AGMO: variants seen among roughly 807,000 people sequenced by gnomAD.
AGMO encodes the protein alkylglycerol monooxygenase.
In AGMO, 75 loss-of-function variants were observed where a neutral mutation model predicts 60.2. The ratio of observed to expected loss-of-function variants is 1.25; its 90% confidence interval spans 1.03 to 1.51. AGMO has a LOEUF of 1.51. Among genes scored for constraint, AGMO ranks in the 40% most tolerant of loss-of-function variants. The pLI is 0.00. For missense variants in AGMO, 763 were observed against 525.5 expected, an observed-to-expected ratio of 1.45 and a Z score of -4.42; for synonymous variants, 261 against 177.1, an observed-to-expected ratio of 1.47 and a Z score of -3.76.
chr7:15,405,891 A>C (rs1353234654), intron 5 of AGMO, among the ~76,000 whole-genome samples: 1 of 151,890 alleles, frequency 6.6e-6, no homozygotes, highest in Non-Finnish European at 1.5e-5. Flanking sequence ...TTTGATTTCA[A>C]AATGTATAAT....
chr7:15,139,281 T>C, the AGMO span, among the ~76,000 whole-genome samples: 58,700 of 152,028 alleles, frequency 0.39, 12,057 homozygotes, highest in East Asian at 0.65. Flanking sequence ...TTGGTATATG[T>C]AGTTGTTCAT....
chr7:15,354,395 C>CGTGTATATAT lies in AGMO; in HGVS notation c.1263+11118_1263+11119insATATATACAC, dbSNP rs1175905450. ...ACGTGTGTATACACGTGTGTGTATA[C>CGTGTATATAT]ACGTGTGTGTACACACGTGTGTGTA... On this transcript the variant is annotated intron_variant, in intron 12 of 12. Coordinates refer to ENST00000342526, the MANE Select transcript of AGMO (RefSeq NM_001004320.2). Among the ~76,000 whole-genome samples the CGTGTATATAT allele has an allele frequency of 2.4e-4, 9 of 37,922 alleles. 1 individual carries two copies. The highest frequency in any genetic ancestry group is 4.1e-4 in the African/African-American group (2 of 4,884). The allele number at this position is 37,922 out of a possible 152,430, so 24.9% of individuals were successfully genotyped here.
chr7:15,543,622 C>T (rs376766460), intron 3 of AGMO, among the ~76,000 whole-genome samples: 1 of 151,958 alleles, frequency 6.6e-6, no homozygotes, highest in Non-Finnish European at 1.5e-5. Context: ...GAATGACCCT[C>T]AATAATTGTG....
chr7:15,241,564 A>C (rs773745269), intron 12 of AGMO, among the ~76,000 whole-genome samples: 6 of 150,078 alleles, frequency 4.0e-5, no homozygotes, highest in African/African-American at 1.5e-4. Flanking sequence ...CGTTCTTTTG[A>C]CTTTGCTGTG....
chr7:15,395,381 G>A (rs984945085), intron 5 of AGMO, among the ~76,000 whole-genome samples: 7 of 152,024 alleles, frequency 4.6e-5, no homozygotes, highest in Middle Eastern at 3.2e-3. Context: ...TAAATTTAAG[G>A]TGTGCACCTT....
chr7:15,436,140 A>G (rs747652816), intron 3 of AGMO, among the ~76,000 whole-genome samples: 30 of 152,250 alleles, frequency 2.0e-4, no homozygotes, highest in Non-Finnish European at 4.3e-4. Flanking sequence ...CACTGAAATC[A>G]TATTGCTAGC....
chr7:15,339,504 T>C (rs919332336), intron 12 of AGMO, among the ~76,000 whole-genome samples: 5 of 152,234 alleles, frequency 3.3e-5, no homozygotes, highest in African/African-American at 9.6e-5. Context: ...GCTGGAATTA[T>C]GTCAGAAGAG....
At chr7:15,451,628 T>A (rs1336129982) in intron 3 of AGMO, among the ~76,000 whole-genome samples, 1 of 152,088 alleles carries the variant, frequency 6.6e-6, no homozygotes, top group Non-Finnish European at 1.5e-5. Context: ...AAAACACTGC[T>A]TATCCTACAC....
chr7:15,362,937 C>T (rs536441741), intron 12 of AGMO, among the ~76,000 whole-genome samples: 69 of 152,238 alleles, frequency 4.5e-4, no homozygotes, highest in African/African-American at 1.6e-3. Flanking sequence ...GTCAGACTTC[C>T]TGAGTTTGTT....
At chr7:15,509,681 T>C (rs995493699) in intron 3 of AGMO, among the ~76,000 whole-genome samples, 3 of 152,082 alleles carry the variant, frequency 2.0e-5, no homozygotes, top group Non-Finnish European at 4.4e-5. Flanking sequence ...AAAAGGTATA[T>C]GACCCAAGAT....
intron 4 of AGMO, among the ~76,000 whole-genome samples, chr7:15,430,803 T>C (rs992422450): frequency 6.6e-6 from 1 of 151,618 alleles, no homozygotes; most frequent in African/African-American, 2.4e-5. Flanking sequence ...AAAATGCTTC[T>C]ATTGAAAAAC....
rs1563105398 is a variant in AGMO at position 15,354,412 on chromosome 7, GTGTGTGTATA to G, written c.1263+11092_1263+11101del. Among the ~76,000 whole-genome samples the G allele has an allele frequency of 8.4e-3, 167 of 19,818 alleles. 22 individuals carry two copies. Among genetic ancestry groups the G allele is most frequent in the African/African-American group, 0.068 (90 of 1,314 alleles). 13.0% of individuals were successfully genotyped at this position (19,818 alleles called of 152,430 possible). On this transcript the variant is annotated intron_variant, in intron 12 of 12. Coordinates refer to ENST00000342526, the MANE Select transcript of AGMO (RefSeq NM_001004320.2). ...TGTGTATACACGTGTGTGTACACAC[GTGTGTGTATA>G]CACACACGTGTGTGTATACACACGT...
intron 12 of AGMO, among the ~76,000 whole-genome samples, chr7:15,305,044 T>C (rs1780571254): frequency 6.6e-6 from 1 of 151,910 alleles, no homozygotes; most frequent in Non-Finnish European, 1.5e-5. Flanking sequence ...ATTAAGAATA[T>C]ATAGTTATAT....
At chr7:15,497,932 A>G (rs1356935836) in intron 3 of AGMO, among the ~76,000 whole-genome samples, 1 of 152,046 alleles carries the variant, frequency 6.6e-6, no homozygotes, top group Admixed American at 6.6e-5. Context: ...ATATGTTTGG[A>G]ACAATACTTT....
chr7:15,545,561 T>C (rs912885560), intron 2 of AGMO, among the ~76,000 whole-genome samples: 1 of 151,978 alleles, frequency 6.6e-6, no homozygotes, highest in Non-Finnish European at 1.5e-5. Context: ...ACATTTCTTA[T>C]AAGTAATATA....
intron 12 of AGMO, among the ~76,000 whole-genome samples, chr7:15,230,573 G>C (rs1219546432): frequency 6.6e-6 from 1 of 152,122 alleles, no homozygotes; most frequent in Non-Finnish European, 1.5e-5. Flanking sequence ...CCTCTGTTGG[G>C]TCATGCTCTT....
At chr7:15,506,054 ACATT>A (rs145229899) in intron 3 of AGMO, among the ~76,000 whole-genome samples, 2,299 of 152,166 alleles carry the variant, frequency 0.015, 58 homozygotes, top group African/African-American at 0.052. Flanking sequence ...CCTAGAAAGA[ACATT>A]CATTTACATT....
chr7:15,447,768 G>C (rs140319975), intron 3 of AGMO, among the ~76,000 whole-genome samples: 172 of 151,998 alleles, frequency 1.1e-3, no homozygotes, highest in African/African-American at 4.0e-3. Context: ...GGCCAGGCTG[G>C]TCTTGAACTC....
chr7:15,431,048 G>C lies in AGMO; in HGVS notation c.470C>G (p.Ser157Cys). 6.2e-7 allele frequency: 1 copy of C among 1,611,070 alleles called. No individual in the cohort carries two copies. The highest frequency in any genetic ancestry group is 8.5e-7 in the Non-Finnish European group (1 of 1,178,088). ...GAGGACAGACTGTCTCAGTGCTGTG[G>C]ATAAGTTATAGTCTTCAGAACTATG... ...THHSSEDYNL[S>C]TALRQSVLQI... The change falls in exon 4 of 13, where the codon TCC becomes TGC. Residue 157 changes from serine (S) to cysteine (C), a missense_variant. Physicochemically the swap from Ser to Cys is moderately radical, Grantham distance 112. Transcript: ENST00000342526.
Sources: allele counts gnomAD v4.1 joint callset (sites outside exome capture counted in the v4.1 genomes callset), GRCh38; gene constraint gnomAD v4.1.1; transcripts MANE v1.5; gene names NCBI Gene and HGNC (gene_info 2026-07-23, HGNC 2026-07-21).